ADGRL3: variants seen among roughly 807,000 people sequenced by gnomAD.
The protein encoded by ADGRL3 is calcium-independent alpha-latrotoxin receptor 3.
A neutral mutation model predicts 153.5 loss-of-function variants in ADGRL3; 62 were observed. The ratio of observed to expected loss-of-function variants is 0.40; its 90% CI spans 0.33 to 0.50. The LOEUF (loss-of-function observed/expected upper bound fraction) is 0.50. ADGRL3 is among the 20% of genes least tolerant of loss of function. The probability of loss-of-function intolerance (pLI) is 0.47; values close to 1 mark genes in which losing one functional copy is unlikely to be tolerated. For synonymous variants in ADGRL3, 710 were observed against 672.5 expected (o/e 1.06, Z -0.86); for missense variants, 1,641 against 1,859.4 (o/e 0.88, Z 2.16).
intron 8 of ADGRL3, among the ~76,000 whole-genome samples, chr4:61,776,838 C>G (rs2097157130): frequency 6.6e-6 from 1 of 152,086 alleles, no homozygotes. Flanking sequence ...CAACAAGAGT[C>G]TTCTTGAATG....
At chr4:61,485,989 G>T (rs2152756663) in intron 2 of ADGRL3, among the ~76,000 whole-genome samples, 1 of 151,960 alleles carries the variant, frequency 6.6e-6, no homozygotes, top group African/African-American at 2.4e-5. Flanking sequence ...TGTCGCCCCG[G>T]CTGGAGTGCA....
chr4:61,406,806 A>G (rs1215514926), intron 2 of ADGRL3, among the ~76,000 whole-genome samples: 1 of 152,004 alleles, frequency 6.6e-6, no homozygotes, highest in Non-Finnish European at 1.5e-5. Flanking sequence ...AAAATATAAA[A>G]CACTGTTAGT....
intron 1 of ADGRL3, among the ~76,000 whole-genome samples, chr4:61,375,478 A>G (rs1442055526): frequency 1.3e-5 from 2 of 152,126 alleles, no homozygotes; most frequent in Admixed American, 1.3e-4. Flanking sequence ...TATCATATGA[A>G]TCATCAAGTG....
At chr4:61,290,574 G>T (rs1233010948) in intron 1 of ADGRL3, among the ~76,000 whole-genome samples, 1 of 151,780 alleles carries the variant, frequency 6.6e-6, no homozygotes, top group Admixed American at 6.6e-5. Context: ...AGCCCAGGAG[G>T]TTGAGGCTGC....
At chr4:61,852,161 T>C (rs1433444133) in intron 9 of ADGRL3, among the ~76,000 whole-genome samples, 1 of 152,090 alleles carries the variant, frequency 6.6e-6, no homozygotes, top group Non-Finnish European at 1.5e-5. Flanking sequence ...AAAAGGAAGG[T>C]TTTTAAATGT....
At chr4:61,990,952 CTGTGTGTGTGTGTGTGTGTGTG>C (rs34294452) in intron 19 of ADGRL3, among the ~76,000 whole-genome samples, 2 of 142,272 alleles carry the variant, frequency 1.4e-5, no homozygotes, top group African/African-American at 2.6e-5. Flanking sequence ...ATGTTTGAAA[CTGTGTGTGTGTGTGTGTGTGTG>C]TGTGTGTGTG....
chr4:61,419,167 A>G (rs192103939), intron 2 of ADGRL3, among the ~76,000 whole-genome samples: 4 of 150,932 alleles, frequency 2.7e-5, no homozygotes, highest in Admixed American at 2.0e-4. Flanking sequence ...AACTGCTATT[A>G]TAAGTAAATG....
intron 1 of ADGRL3, among the ~76,000 whole-genome samples, chr4:61,377,045 C>T (rs144910538): frequency 3.9e-5 from 6 of 152,248 alleles, no homozygotes; most frequent in African/African-American, 1.4e-4. Context: ...TTACACTGCC[C>T]TATTCCTAGC....
At chr4:61,501,299 A>G (rs564593521) in intron 3 of ADGRL3, among the ~76,000 whole-genome samples, 2 of 152,306 alleles carry the variant, frequency 1.3e-5, no homozygotes, top group South Asian at 2.1e-4. Flanking sequence ...TATAATTTTT[A>G]TCTGTAAAAA....
chr4:61,648,535 T>C (rs372369726), intron 5 of ADGRL3, among the ~76,000 whole-genome samples: 1 of 149,704 alleles, frequency 6.7e-6, no homozygotes, highest in Admixed American at 6.7e-5. Context: ...TTTTTTTTTC[T>C]GTTTCTTTTG....
At chr4:61,652,986 TATGTTGAAACACTAAACCCCA>T (rs775849278) in intron 5 of ADGRL3, among the ~76,000 whole-genome samples, 1 of 152,046 alleles carries the variant, frequency 6.6e-6, no homozygotes, top group Non-Finnish European at 1.5e-5. Flanking sequence ...GCCATATTGA[TATGTTGAAACACTAAACCCCA>T]ATGTAACTGT....
intron 2 of ADGRL3, among the ~76,000 whole-genome samples, chr4:61,395,035 T>A (rs186074330): frequency 1.3e-5 from 2 of 152,060 alleles, no homozygotes; most frequent in Non-Finnish European, 2.9e-5. Flanking sequence ...TGAAGAAATC[T>A]TCAGTGTTAT....
intron 2 of ADGRL3, among the ~76,000 whole-genome samples, chr4:61,416,939 T>C (rs2152306251): frequency 6.6e-6 from 1 of 152,240 alleles, no homozygotes; most frequent in Middle Eastern, 3.4e-3. Flanking sequence ...CATGGTCCCA[T>C]CTGGAGGTGA....
chr4:61,909,401 G>A (rs566438880), intron 11 of ADGRL3, among the ~76,000 whole-genome samples, 159 bp from the exon 12 acceptor site: 2 of 152,272 alleles, frequency 1.3e-5, no homozygotes, highest in East Asian at 1.9e-4. Context: ...AGATTAATTC[G>A]CAGGAAAAAT....
chr4:61,629,866 A>G (rs1478314422), intron 5 of ADGRL3, among the ~76,000 whole-genome samples: 1 of 150,252 alleles, frequency 6.7e-6, no homozygotes, highest in Non-Finnish European at 1.5e-5. Context: ...ATGTGTTGGC[A>G]TGATATTCTG....
chr4:61,767,551 A>G (rs1430950720), intron 8 of ADGRL3, among the ~76,000 whole-genome samples: 2 of 152,172 alleles, frequency 1.3e-5, no homozygotes, highest in Admixed American at 6.5e-5. Flanking sequence ...GCAATCGGGC[A>G]GTGTCAGTCT....
chr4:61,696,724 G>C (rs748122522), intron 6 of ADGRL3, among the ~76,000 whole-genome samples: 3 of 130,676 alleles, frequency 2.3e-5, no homozygotes, highest in African/African-American at 9.0e-5. Context: ...CGCCCAGGCT[G>C]GAGTGCAGTG....
At chr4:61,613,112 G>C (rs2091577495) in intron 5 of ADGRL3, among the ~76,000 whole-genome samples, 1 of 151,958 alleles carries the variant, frequency 6.6e-6, no homozygotes, top group Non-Finnish European at 1.5e-5. Flanking sequence ...CCTTACCATG[G>C]CCTTCAATGC....
At chr4:61,816,012 T>A (rs116699628) in intron 9 of ADGRL3, among the ~76,000 whole-genome samples, 1 of 152,330 alleles carries the variant, frequency 6.6e-6, no homozygotes, top group Non-Finnish European at 1.5e-5. Context: ...ACATAATTGT[T>A]CATCATGAGA....
Sources: allele counts gnomAD v4.1 joint callset (sites outside exome capture counted in the v4.1 genomes callset), GRCh38; gene constraint gnomAD v4.1.1; transcripts MANE v1.5; gene names NCBI Gene and HGNC (gene_info 2026-07-23, HGNC 2026-07-21).